DENND1B: variants seen among roughly 807,000 people sequenced by gnomAD.
DENND1B encodes DENN domain containing 1B, also known as DENN domain-containing protein 1B.
In DENND1B, 59 loss-of-function variants were observed where a neutral mutation model predicts 90.1. The ratio of observed to expected loss-of-function variants is 0.65; its 90% CI spans 0.53 to 0.81. The LOEUF is 0.81. Among genes scored for constraint, DENND1B ranks in the 40% least tolerant of loss-of-function variants. DENND1B has a pLI of 0.00. For missense variants in DENND1B, 862 were observed against 912.6 expected (o/e 0.94, Z 0.71); for synonymous variants, 337 against 324.6 (o/e 1.04, Z -0.41).
At chr1:197,535,754 T>C (rs568123841) in intron 20 of DENND1B, among the ~76,000 whole-genome samples, 2 of 152,306 alleles carry the variant, frequency 1.3e-5, no homozygotes, top group South Asian at 2.1e-4. Flanking sequence ...GGTAACATGG[T>C]ACTCTCCTTG....
intron 2 of DENND1B, chr1:197,736,027 A>C: frequency 2.1e-6 from 2 of 963,326 alleles, no homozygotes; most frequent in Non-Finnish European, 3.3e-6. Flanking sequence ...GGCTGCTGTT[A>C]AGGCACCTAC....
At chr1:197,683,100 G>T (rs1656860366) in intron 3 of DENND1B, among the ~76,000 whole-genome samples, 1 of 152,146 alleles carries the variant, frequency 6.6e-6, no homozygotes, top group African/African-American at 2.4e-5. Context: ...GGAAGCAGCA[G>T]GAGGGGACTT....
chr1:197,768,860 C>T (rs1286521354), intron 2 of DENND1B, among the ~76,000 whole-genome samples: 1 of 149,208 alleles, frequency 6.7e-6, no homozygotes, highest in Non-Finnish European at 1.5e-5. Flanking sequence ...ATGTGTTGTT[C>T]TCAAAAAAAA....
chr1:197,593,965 C>A (rs928608137), intron 14 of DENND1B, among the ~76,000 whole-genome samples: 55 of 151,988 alleles, frequency 3.6e-4, no homozygotes, highest in African/African-American at 1.1e-3. Flanking sequence ...TACGAATATG[C>A]CCTACTGTAG....
At chr1:197,742,531 G>A (rs767573765) in intron 2 of DENND1B, among the ~76,000 whole-genome samples, 1 of 152,032 alleles carries the variant, frequency 6.6e-6, no homozygotes, top group Non-Finnish European at 1.5e-5. Context: ...CAAACCAGCT[G>A]GCCCACTATA....
intron 3 of DENND1B, among the ~76,000 whole-genome samples, chr1:197,694,809 A>G (rs899927970): frequency 2.0e-5 from 3 of 151,342 alleles, no homozygotes; most frequent in Non-Finnish European, 4.5e-5. Context: ...CTGCCATAAA[A>G]ATAGATATAA....
intron 2 of DENND1B, among the ~76,000 whole-genome samples, chr1:197,768,718 C>T (rs540526474): frequency 6.6e-5 from 10 of 152,046 alleles, no homozygotes; most frequent in Non-Finnish European, 1.2e-4. Context: ...CTGTCAGACA[C>T]CACCAGAACA....
intron 22 of DENND1B, 139 bp downstream of exon 22, chr1:197,511,589 T>G: frequency 2.1e-6 from 1 of 467,756 alleles, no homozygotes; most frequent in Non-Finnish European, 3.6e-6. Context: ...TGATTAAATT[T>G]TATCATATTT....
At chr1:197,520,545 A>G (rs1668700792) in intron 20 of DENND1B, among the ~76,000 whole-genome samples, 1 of 151,940 alleles carries the variant, frequency 6.6e-6, no homozygotes, top group Non-Finnish European at 1.5e-5. Flanking sequence ...AAATTCTGAG[A>G]TCAAATAAGA....
chr1:197,625,492 C>T (rs1030477084), intron 10 of DENND1B, among the ~76,000 whole-genome samples: 3 of 152,022 alleles, frequency 2.0e-5, no homozygotes, highest in Non-Finnish European at 4.4e-5. Flanking sequence ...CCAGGCCTGA[C>T]CTAAAAGAGC....
In DENND1B at chr1:197,510,158, T is replaced by C. The variant is rs975639693; in HGVS notation, c.*302A>G. The C allele has an allele frequency of 4.9e-5, 16 of 326,770 alleles. No individual in the cohort carries two copies. The highest frequency in any genetic ancestry group is 7.9e-5 in the Non-Finnish European group (14 of 177,422). 20.2% of individuals were successfully genotyped at this position (326,770 alleles called of 1,614,324 possible). A position where few individuals can be genotyped will look rare whatever the true frequency, so the allele number is the denominator to read the frequency against. On this transcript the variant is annotated 3_prime_UTR_variant, in exon 23 of 23. Transcript: ENST00000620048. ...CTACTGGTTATGTGCATGGGTTACA[T>C]ATGCATTCTTAGCTTAAATAAAATA...
At chr1:197,588,880 T>C (rs1674940205) in intron 14 of DENND1B, among the ~76,000 whole-genome samples, 2 of 152,148 alleles carry the variant, frequency 1.3e-5, no homozygotes, top group African/African-American at 4.8e-5. Context: ...AGTCAAACTA[T>C]AAAGTTTAAT....
chr1:197,693,833 AC>A (rs1035335630), intron 3 of DENND1B, among the ~76,000 whole-genome samples: 2 of 151,490 alleles, frequency 1.3e-5, no homozygotes, highest in Admixed American at 6.6e-5. Flanking sequence ...GGGTAGAATA[AC>A]CCCCACATCC....
At chr1:197,577,904 C>T (rs907214937) in intron 15 of DENND1B, among the ~76,000 whole-genome samples, 1 of 151,978 alleles carries the variant, frequency 6.6e-6, no homozygotes, top group African/African-American at 2.4e-5. Flanking sequence ...GAAACTGAGA[C>T]CAAAAGAGGT....
At chr1:197,636,994 G>A (rs1679857488) in intron 10 of DENND1B, among the ~76,000 whole-genome samples, 4 of 151,688 alleles carry the variant, frequency 2.6e-5, no homozygotes, top group South Asian at 2.1e-4. Context: ...AAAGCTCACT[G>A]GAAGAGAAAA....
intron 7 of DENND1B, among the ~76,000 whole-genome samples, chr1:197,649,840 A>G (rs954312399): frequency 6.6e-6 from 1 of 152,208 alleles, no homozygotes; most frequent in African/African-American, 2.4e-5. Context: ...AACCAAAAGC[A>G]AATGCAATGA....
At chr1:197,537,711 G>C (rs1670019332) in intron 20 of DENND1B, among the ~76,000 whole-genome samples, 1 of 151,630 alleles carries the variant, frequency 6.6e-6, no homozygotes, top group Non-Finnish European at 1.5e-5. Context: ...GAAGTTAACA[G>C]AAAACAAAAA....
At chr1:197,549,917 A>C (rs1671089266) in intron 16 of DENND1B, among the ~76,000 whole-genome samples, 1 of 152,144 alleles carries the variant, frequency 6.6e-6, no homozygotes, top group African/African-American at 2.4e-5. Context: ...GTGAATCTAG[A>C]TGTTCCTTAT....
chr1:197,659,537 A>G (rs1322535771), intron 5 of DENND1B, among the ~76,000 whole-genome samples: 1 of 152,018 alleles, frequency 6.6e-6, no homozygotes, highest in Non-Finnish European at 1.5e-5. Context: ...GACTGTATGT[A>G]ATTATCTCTG....
Sources: gnomAD v4.1 joint callset for allele counts (sites outside exome capture counted in the v4.1 genomes callset) on GRCh38, gnomAD v4.1.1 for gene constraint, MANE v1.5 for transcripts, NCBI Gene and HGNC (gene_info 2026-07-23, HGNC 2026-07-21) for gene names.